The following NLRX1 variants were observed in gnomAD, a reference collection of about 807,000 sequenced individuals.
The protein encoded by NLRX1 is NOD-like receptor X1.
A neutral mutation model predicts 74.2 loss-of-function variants in NLRX1; 67 were observed. That is an observed-to-expected ratio of 0.90 (90% confidence interval 0.74 to 1.11). The LOEUF is 1.11. Among genes scored for constraint, NLRX1 ranks in the 50% least tolerant of loss-of-function variants. The pLI is 0.00. For synonymous variants in NLRX1, 506 were observed against 559.1 expected (o/e 0.91, Z 1.34); for missense variants, 1,191 against 1,305.4 (o/e 0.91, Z 1.35).
In NLRX1 at chr11:119,173,211, A is replaced by T. The variant is rs767669974; in HGVS notation, c.229+222A>T. 1.9e-4 allele frequency: 117 copies of T among 612,894 alleles called. No individual in the cohort carries two copies. Among genetic ancestry groups the T allele is most frequent in the Admixed American group, 5.8e-5 (2 of 34,424 alleles). 38.0% of individuals were successfully genotyped at this position (612,894 alleles called of 1,614,324 possible). On this transcript the variant is annotated intron_variant, in intron 4 of 9. Coordinates refer to ENST00000409109, the MANE Select transcript of NLRX1 (RefSeq NM_001282144.2). This position sits in a 1 kb window ranked among gnomAD's most constrained non-coding sequence, Gnocchi z 4.0. ...GCGCTAGGAGAGCCATACCATCCCT[A>T]TGCTCAACAAAGTTGGGTCAAGCAG...
Position 119,173,381 on chromosome 11 carries a change from C to T in NLRX1, c.230-98C>T, listed in dbSNP as rs1948602430. The T allele has an allele frequency of 6.9e-6, 9 of 1,296,754 alleles. No homozygotes were observed. The highest frequency in any genetic ancestry group is 2.6e-4 in the Middle Eastern group (1 of 3,792). 80.3% of individuals were successfully genotyped at this position (1,296,754 alleles called of 1,614,324 possible). ...CCATTGTGGGCCCCAGCATCTATGCCGTGATGTCCCAGCCTGACCTCACCA... is the reference window on the plus strand; with the variant it reads ...CCATTGTGGGCCCCAGCATCTATGCTGTGATGTCCCAGCCTGACCTCACCA... On this transcript the variant is annotated intron_variant, in intron 4 of 9. Transcript: ENST00000409109. The surrounding 1 kb of genome is among the most constrained non-coding windows in gnomAD (Gnocchi z 4.0).
Position 119,182,235 on chromosome 11 carries a change from C to A in NLRX1, c.2496C>A (p.Asp832Glu), listed in dbSNP as rs1003286007. The change falls in exon 9 of 10, where the codon GAC becomes GAA. Residue 832 changes from aspartate (D) to glutamate (E), a missense_variant. Coordinates refer to ENST00000409109, the MANE Select transcript of NLRX1 (RefSeq NM_001282144.2). ...TGGAGCTGCTGGCTGCCCAGCTGGA[C>A]CGCAACCGGCAGCTGCAGGAGCTGA... ...EGLELLAAQL[D>E]RNRQLQELNV... The A allele has an allele frequency of 4.0e-5, 64 of 1,613,762 alleles. No homozygotes were observed. In the Admixed American group the frequency reaches 1.1e-3, roughly 26 times the overall value.
At chr11:119,182,611 C>G (rs1474154133) in intron 9 of NLRX1, among the ~76,000 whole-genome samples, 1 of 152,120 alleles carries the variant, frequency 6.6e-6, no homozygotes, top group Non-Finnish European at 1.5e-5. Flanking sequence ...TCAGGGTCGG[C>G]TGTGGTGGCT....
rs767526498 is a variant in NLRX1, at chr11:119,183,612, T to C, written c.*173T>C. The C allele has an allele frequency of 5.5e-6, 4 of 729,840 alleles. No individual in the cohort carries two copies. Among genetic ancestry groups the C allele is most frequent in the Non-Finnish European group, 7.3e-6 (3 of 409,082 alleles). 45.2% of individuals were successfully genotyped at this position (729,840 alleles called of 1,614,324 possible). A position where few individuals can be genotyped will look rare whatever the true frequency, so the allele number is the denominator to read the frequency against. ...GGGCATGTTTGACCAGGACTGAGTCTGGAATCTCCAAGTTAAAGATGGTGA... is the reference window on the plus strand; with the variant it reads ...GGGCATGTTTGACCAGGACTGAGTCCGGAATCTCCAAGTTAAAGATGGTGA... On this transcript the variant is annotated 3_prime_UTR_variant, in exon 10 of 10. Transcript: ENST00000409109. This position sits in a 1 kb window ranked among gnomAD's most constrained non-coding sequence, Gnocchi z 5.7.
At chr11:119,170,972 G>A (rs1267968889) in intron 1 of NLRX1, among the ~76,000 whole-genome samples, 7 of 152,088 alleles carry the variant, frequency 4.6e-5, no homozygotes, top group South Asian at 2.1e-4. Flanking sequence ...GGTAAACCCC[G>A]TCTCTACTAA....
chr11:119,176,580 G>C (rs1948709048), intron 6 of NLRX1, among the ~76,000 whole-genome samples: 1 of 152,138 alleles, frequency 6.6e-6, no homozygotes, highest in Non-Finnish European at 1.5e-5. Flanking sequence ...CCAGCTACTT[G>C]GGAGGCTGAG....
rs1385828324 is a variant in NLRX1 at position 119,182,293 on chromosome 11, G to A, written c.2554G>A (p.Ala852Thr). The change falls in exon 9 of 10, where the codon GCC (alanine) becomes ACC (threonine). Residue 852 changes from alanine to threonine, a missense_variant. Physicochemically the swap from Ala to Thr is moderately conservative, Grantham distance 58. Transcript: ENST00000409109. ...VAYNGAGDTAALALARAAREH... is the reference protein window; with the variant it reads ...VAYNGAGDTATLALARAAREH... ...GTACAACGGTGCTGGTGACACAGCG[G>A]CCCTGGCCCTGGCCAGAGCTGCCCG... is the stretch of plus-strand genomic sequence containing the variant. 1 of 1,613,396 alleles carries A rather than the reference G, an allele frequency of 6.2e-7. No homozygotes were observed. The highest frequency in any genetic ancestry group is 8.5e-7 in the Non-Finnish European group (1 of 1,180,006).
At chr11:119,182,516 C>A (rs1271941589) in intron 9 of NLRX1, among the ~76,000 whole-genome samples, 171 bp downstream of exon 9, 1 of 152,216 alleles carries the variant, frequency 6.6e-6, no homozygotes, top group East Asian at 1.9e-4. Flanking sequence ...CCCACCCCCT[C>A]TGTGACTGGC....
rs2135201813 is a variant in NLRX1 at position 119,183,783 on chromosome 11, G to A, written c.*344G>A. ...CTCCTCTCAAAGAGCCTCTGACTGT[G>A]TCACCAAGGGGCTCACATCTTATGT... On this transcript the variant is annotated 3_prime_UTR_variant, in exon 10 of 10. Coordinates refer to ENST00000409109, the MANE Select transcript of NLRX1 (RefSeq NM_001282144.2). This position sits in a 1 kb window ranked among gnomAD's most constrained non-coding sequence, Gnocchi z 5.7. 1 of 780,642 alleles carries A rather than the reference G, an allele frequency of 1.3e-6. No individual in the cohort carries two copies. The highest frequency in any genetic ancestry group is 2.4e-5 in the East Asian group (1 of 41,224). 48.4% of individuals were successfully genotyped at this position (780,642 alleles called of 1,614,324 possible). A position where few individuals can be genotyped will look rare whatever the true frequency, so the allele number is the denominator to read the frequency against.
In NLRX1 at chr11:119,182,219, T is replaced by C. The variant is rs372981504; in HGVS notation, c.2480T>C (p.Leu827Pro). 8.1e-6 allele frequency: 13 copies of C among 1,613,894 alleles called. No individual in the cohort carries two copies. The highest frequency in any genetic ancestry group is 1.1e-5 in the Non-Finnish European group (13 of 1,180,038). The change falls in exon 9 of 10, where the codon CTG becomes CCG. Residue 827 changes from leucine (L) to proline (P), a missense_variant. Coordinates refer to ENST00000409109, the MANE Select transcript of NLRX1 (RefSeq NM_001282144.2). The part of the protein sequence containing the change: ...TGLGDEGLEL[L>P]AAQLDRNRQL... ...CTTGGGGACGAAGGCCTGGAGCTGCTGGCTGCCCAGCTGGACCGCAACCGG... is the reference window on the plus strand; with the variant it reads ...CTTGGGGACGAAGGCCTGGAGCTGCCGGCTGCCCAGCTGGACCGCAACCGG...
chr11:119,181,075 G>A, intron 7 of NLRX1, 96 bp from the exon 8 acceptor site: 1 of 847,260 alleles, frequency 1.2e-6, no homozygotes, highest in East Asian at 2.4e-5. Context: ...ATTCCCAGAG[G>A]CAGGCTGATG....
At chr11:119,170,717 C>A (rs1221185749) in intron 1 of NLRX1, among the ~76,000 whole-genome samples, 5 of 152,202 alleles carry the variant, frequency 3.3e-5, no homozygotes, top group African/African-American at 1.2e-4. Context: ...CACAGAAAAG[C>A]CACTGAAAAT....
rs1592319635 is a variant in NLRX1 at position 119,171,338 on chromosome 11, G to A, written c.-48-18G>A. The A allele has an allele frequency of 2.7e-5, 42 of 1,578,026 alleles. No homozygotes were observed. The highest frequency in any genetic ancestry group is 3.5e-5 in the Non-Finnish European group (40 of 1,153,426). ...GAGGAGTGGTGGCAGTGATCCATTC[G>A]TACTATTCTTCTTGCAGGACAGAAG... is the stretch of plus-strand genomic sequence containing the variant. On this transcript the variant is annotated intron_variant, in intron 1 of 9. Transcript: ENST00000409109.
chr11:119,173,652 C>T lies in NLRX1; in HGVS notation c.403C>T (p.Gln135Ter), dbSNP rs1422569413. 6.2e-7 allele frequency: 1 copy of T among 1,614,092 alleles called. No homozygotes were observed. Among genetic ancestry groups the T allele is most frequent in the South Asian group, 1.1e-5 (1 of 91,084 alleles). The change falls in exon 5 of 10, where the codon CAG becomes TAG. Residue 135 changes from glutamine to a stop codon, truncating the protein, a stop_gained. Transcript: ENST00000409109. LOFTEE classifies it high-confidence loss of function. The surrounding 1 kb of genome is among the most constrained non-coding windows in gnomAD (Gnocchi z 4.0). Reference sequence around the variant, plus strand: ...ACCCGCGGAGCTGGCCCTGGAGCATCAGCCACCCCAGGCCGGGCTCCCCCC... The same window carrying T: ...ACCCGCGGAGCTGGCCCTGGAGCATTAGCCACCCCAGGCCGGGCTCCCCCC... ...RPPAELALEHQPPQAGLPPLA... is the reference protein window; with the variant it reads ...RPPAELALEH
rs561830 is a variant in NLRX1 at position 119,173,036 on chromosome 11, C to T, written c.229+47C>T. ...CTGGTCAGGGGGTGTGGTGGGCAGACGGGGCTGGAAGGAGAAGCAGGGTGA... is the reference window on the plus strand; with the variant it reads ...CTGGTCAGGGGGTGTGGTGGGCAGATGGGGCTGGAAGGAGAAGCAGGGTGA... On this transcript the variant is annotated intron_variant, in intron 4 of 9. Coordinates refer to ENST00000409109, the MANE Select transcript of NLRX1 (RefSeq NM_001282144.2). The surrounding 1 kb of genome is among the most constrained non-coding windows in gnomAD (Gnocchi z 4.0). The T allele has an allele frequency of 0.25, 365,577 of 1,473,972 alleles. 47,650 individuals are homozygous for T. The highest frequency in any genetic ancestry group is 0.43 in the East Asian group (19,008 of 43,986). The allele number at this position is 1,473,972 out of a possible 1,614,324, so 91.3% of individuals were successfully genotyped here. A position where few individuals can be genotyped will look rare whatever the true frequency, so the allele number is the denominator to read the frequency against.
At chr11:119,171,015 C>T (rs922433104) in intron 1 of NLRX1, among the ~76,000 whole-genome samples, 3 of 152,210 alleles carry the variant, frequency 2.0e-5, no homozygotes, top group Admixed American at 1.3e-4. Context: ...TGGTGGTGGG[C>T]GCCTGTAATC....
chr11:119,175,356 C>T (rs1419019737), intron 6 of NLRX1, 82 bp downstream of exon 6: 1 of 1,154,886 alleles, frequency 8.7e-7, no homozygotes, highest in African/African-American at 1.5e-5. Flanking sequence ...CACATGGTTC[C>T]CTGTTCACCC....
At position 119,175,107 on chromosome 11, in the gene NLRX1, G is replaced by T. The variant is rs754034951; in HGVS notation, c.1504G>T (p.Ala502Ser). Residue 502 changes from alanine to serine, a missense_variant, in exon 6 of 10, where the codon GCT (alanine) becomes TCT (serine). By Grantham distance (99) the Ala-to-Ser change is moderately conservative. Transcript: ENST00000409109. ...CGTGCCCGCCATGCAGGAATACCTG[G>T]CTGCCCTCTACATTGTGCTGGGTTT... ...FTVPAMQEYL[A>S]ALYIVLGLRK... 5.0e-6 allele frequency: 8 copies of T among 1,614,202 alleles called. No individual in the cohort carries two copies. The highest frequency in any genetic ancestry group is 6.8e-6 in the Non-Finnish European group (8 of 1,180,044).
chr11:119,170,708 A>AC (rs1242095499), intron 1 of NLRX1, among the ~76,000 whole-genome samples: 1 of 152,234 alleles, frequency 6.6e-6, no homozygotes, highest in Non-Finnish European at 1.5e-5. Flanking sequence ...AAATCTAGGC[A>AC]CAGAAAAGCC....
Sources: allele counts gnomAD v4.1 joint callset (sites outside exome capture counted in the v4.1 genomes callset), GRCh38; gene constraint gnomAD v4.1.1; non-coding constraint Gnocchi (gnomAD v3.1); transcripts MANE v1.5; gene names NCBI Gene and HGNC (gene_info 2026-07-23, HGNC 2026-07-21).